DLG2: variants seen among roughly 807,000 people sequenced by gnomAD.
DLG2 encodes the protein discs large MAGUK scaffold protein 2, also known as disks large homolog 2.
DLG2 carries 45 observed loss-of-function variants against 132.5 expected under a neutral mutation model. That is an observed-to-expected ratio of 0.34 (90% CI 0.27 to 0.44). The LOEUF (loss-of-function observed/expected upper bound fraction) is 0.44. DLG2 is among the 20% of genes least tolerant of loss of function. DLG2 has a pLI of 1.00. For missense variants in DLG2, 1,045 were observed against 1,196.9 expected (o/e 0.87, Z 1.87); for synonymous variants, 424 against 419.6 (o/e 1.01, Z -0.13).
chr11:84,854,311 C>CT (rs958045629), intron 6 of DLG2, among the ~76,000 whole-genome samples: 6 of 148,836 alleles, frequency 4.0e-5, no homozygotes, highest in East Asian at 3.9e-4. Flanking sequence ...AAAAGTTTTT[C>CT]TTTTTTTTTT....
chr11:85,404,117 AATGG>A (rs1308835012), intron 3 of DLG2, among the ~76,000 whole-genome samples: 4 of 152,100 alleles, frequency 2.6e-5, no homozygotes, highest in African/African-American at 9.6e-5. Context: ...CCTAACCTTG[AATGG>A]ATTAGAAGAT....
chr11:83,745,709 G>GCTT (rs2092857682), intron 18 of DLG2, among the ~76,000 whole-genome samples: 1 of 152,048 alleles, frequency 6.6e-6, no homozygotes, highest in African/African-American at 2.4e-5. Flanking sequence ...TGCTGAGATA[G>GCTT]GAGAACTGCT....
At chr11:83,971,029 G>A (rs1460595121) in intron 12 of DLG2, among the ~76,000 whole-genome samples, 1 of 152,170 alleles carries the variant, frequency 6.6e-6, no homozygotes, top group Non-Finnish European at 1.5e-5. Flanking sequence ...TCAAGATAAA[G>A]GGCCTACAGC....
At chr11:83,565,873 G>T (rs1017953817) in intron 19 of DLG2, among the ~76,000 whole-genome samples, 5 of 152,180 alleles carry the variant, frequency 3.3e-5, no homozygotes, top group Non-Finnish European at 7.3e-5. Flanking sequence ...AGCCAGGACT[G>T]AATTTAGGTA....
At position 85,028,185 on chromosome 11, in the gene DLG2, C is replaced by T. The variant is rs186038767; in HGVS notation, c.357+83476G>A. 2.0e-3 allele frequency among the ~76,000 whole-genome samples: 302 copies of T among 152,188 alleles called. 2 individuals carry two copies. Among genetic ancestry groups the T allele is most frequent in the Middle Eastern group, 6.8e-3 (2 of 294 alleles). On this transcript the variant is annotated intron_variant, in intron 6 of 27. Coordinates refer to ENST00000376104, the MANE Select transcript of DLG2 (RefSeq NM_001142699.3). The stretch of plus-strand genomic sequence containing the variant: ...GTTGTCCTGACAAGACAACAGCAAC[C>T]GAATTGGGTAGTTCTTTCCCACAGC...
chr11:84,251,876 G>T (rs1320853521), intron 7 of DLG2, among the ~76,000 whole-genome samples: 1 of 151,884 alleles, frequency 6.6e-6, no homozygotes, highest in South Asian at 2.1e-4. Flanking sequence ...CTGACCTTGT[G>T]ATCTACCCAC....
At chr11:83,497,539 ACAAAAAAC>A (rs2094212684) in intron 21 of DLG2, among the ~76,000 whole-genome samples, 2 of 148,384 alleles carry the variant, frequency 1.3e-5, no homozygotes. Flanking sequence ...CGTCTCAAAA[ACAAAAAAC>A]AAAAAACAAA....
intron 21 of DLG2, among the ~76,000 whole-genome samples, chr11:83,490,085 C>A (rs994396765): frequency 6.6e-6 from 1 of 151,954 alleles, no homozygotes; most frequent in Non-Finnish European, 1.5e-5. Flanking sequence ...ATGCCATTTT[C>A]CACAAAAGAA....
intron 7 of DLG2, among the ~76,000 whole-genome samples, chr11:84,517,130 A>G (rs2099276210): frequency 6.6e-6 from 1 of 150,976 alleles, no homozygotes; most frequent in South Asian, 2.1e-4. Flanking sequence ...AAGCACAGGA[A>G]AAAAAAGCAA....
intron 4 of DLG2, among the ~76,000 whole-genome samples, chr11:85,258,355 TC>T (rs747245749): frequency 6.6e-6 from 1 of 152,240 alleles, no homozygotes; most frequent in Non-Finnish European, 1.5e-5. Flanking sequence ...AATGAATAAA[TC>T]AAGAAAGGAT....
intron 6 of DLG2, among the ~76,000 whole-genome samples, chr11:84,669,858 G>A (rs1056603174): frequency 1.3e-5 from 2 of 152,120 alleles, no homozygotes; most frequent in Admixed American, 6.5e-5. Context: ...GAGAATTGGT[G>A]GAGGATTCTG....
intron 11 of DLG2, among the ~76,000 whole-genome samples, chr11:84,051,670 GT>G (rs1278122414): frequency 6.0e-5 from 9 of 150,980 alleles, no homozygotes; most frequent in African/African-American, 1.5e-4. Context: ...TATACCTAAT[GT>G]TAAATGACGA....
chr11:85,404,802 T>G (rs1017923860), intron 3 of DLG2, among the ~76,000 whole-genome samples: 1 of 152,080 alleles, frequency 6.6e-6, no homozygotes, highest in South Asian at 2.1e-4. Context: ...CCTCAAAACA[T>G]TTTTAGTGGT....
chr11:83,877,855 G>T lies in DLG2; in HGVS notation c.1497-3367C>A, dbSNP rs529981750. 2.0e-5 allele frequency among the ~76,000 whole-genome samples: 3 copies of T among 152,288 alleles called. No homozygotes were observed. The East Asian group carries it at 5.8e-4, about 29-fold the overall frequency. ...GGGATGCTTGTAGTGGATGTTTGGAGCTACCTGATGGTGACTACAACTGGT... is the reference window on the plus strand; with the variant it reads ...GGGATGCTTGTAGTGGATGTTTGGATCTACCTGATGGTGACTACAACTGGT... On this transcript the variant is annotated intron_variant, in intron 15 of 27. Coordinates refer to ENST00000376104, the MANE Select transcript of DLG2 (RefSeq NM_001142699.3).
At chr11:84,346,273 C>T (rs867776202) in intron 7 of DLG2, among the ~76,000 whole-genome samples, 33 of 152,250 alleles carry the variant, frequency 2.2e-4, no homozygotes, top group Admixed American at 5.9e-4. Flanking sequence ...GAGAGTATTT[C>T]ATTTGTTTAT....
At chr11:85,155,275 G>A (rs1232919637) in intron 4 of DLG2, among the ~76,000 whole-genome samples, 4 of 152,172 alleles carry the variant, frequency 2.6e-5, no homozygotes, top group African/African-American at 4.8e-5. Context: ...TGAGAAATTG[G>A]TACAAGAAGA....
intron 6 of DLG2, among the ~76,000 whole-genome samples, chr11:84,825,385 C>A (rs566776650): frequency 2.0e-5 from 3 of 151,982 alleles, no homozygotes; most frequent in Non-Finnish European, 4.4e-5. Flanking sequence ...GTCATGAGGA[C>A]CTTGGAAATT....
At chr11:84,337,137 G>C (rs2098489111) in intron 7 of DLG2, among the ~76,000 whole-genome samples, 1 of 152,160 alleles carries the variant, frequency 6.6e-6, no homozygotes, top group Non-Finnish European at 1.5e-5. Context: ...ACAAGCTTCA[G>C]TTTTTTAATG....
At chr11:84,835,203 G>A (rs1040527077) in intron 6 of DLG2, among the ~76,000 whole-genome samples, 8 of 151,650 alleles carry the variant, frequency 5.3e-5, no homozygotes, top group African/African-American at 1.9e-4. Context: ...AAATCCAAGA[G>A]GGCAGGGATA....
Sources: gnomAD v4.1 joint callset for allele counts (sites outside exome capture counted in the v4.1 genomes callset) on GRCh38, gnomAD v4.1.1 for gene constraint, MANE v1.5 for transcripts, NCBI Gene and HGNC (gene_info 2026-07-23, HGNC 2026-07-21) for gene names.